Variants in NCAM1 observed in about 807,000 individuals in gnomAD.
NCAM1 encodes neural cell adhesion molecule 1.
In NCAM1, 14 loss-of-function variants were observed where a neutral mutation model predicts 109.8. That is an observed-to-expected ratio of 0.13 (90% CI 0.08 to 0.20). The LOEUF (loss-of-function observed/expected upper bound fraction) is 0.20, where lower values mean the gene tolerates loss of function less well. Among genes scored for constraint, NCAM1 ranks in the 10% least tolerant of loss-of-function variants. The pLI is 1.00. For missense variants in NCAM1, 774 were observed against 1,109.9 expected, an observed-to-expected ratio of 0.70 and a Z score of 4.30; for synonymous variants, 418 against 442.9, an observed-to-expected ratio of 0.94 and a Z score of 0.70.
chr11:113,185,804 C>T (rs1943491386), intron 1 of NCAM1, among the ~76,000 whole-genome samples: 2 of 152,198 alleles, frequency 1.3e-5, no homozygotes, highest in Non-Finnish European at 2.9e-5. Context: ...ACCCCCCTCA[C>T]CTGGCTGTAT....
chr11:113,027,642 A>G (rs1252348463), intron 1 of NCAM1, among the ~76,000 whole-genome samples: 2 of 152,220 alleles, frequency 1.3e-5, no homozygotes, highest in Admixed American at 6.5e-5. Flanking sequence ...TAATTACTGC[A>G]GTGAATTTTC....
intron 16 of NCAM1, among the ~76,000 whole-genome samples, chr11:113,257,847 T>C (rs1000219898): frequency 1.3e-4 from 20 of 152,244 alleles, no homozygotes; most frequent in Non-Finnish European, 2.2e-4. Context: ...TTCTTTTAAA[T>C]GAAAGTGGGG....
intron 1 of NCAM1, among the ~76,000 whole-genome samples, chr11:113,127,648 G>A (rs1156722418): frequency 6.6e-6 from 1 of 152,150 alleles, no homozygotes; most frequent in Non-Finnish European, 1.5e-5. Flanking sequence ...ATTAAGAGTT[G>A]CAAGGCATTG....
intron 17 of NCAM1, chr11:113,265,291 T>G (rs1370720350): frequency 7.6e-6 from 3 of 392,730 alleles, no homozygotes; most frequent in Non-Finnish European, 6.9e-6. Context: ...GATAGACTAT[T>G]ACCTAGAGAA....
chr11:113,212,088 A>G (rs1189753712), intron 7 of NCAM1, among the ~76,000 whole-genome samples: 3 of 152,198 alleles, frequency 2.0e-5, no homozygotes, highest in Non-Finnish European at 4.4e-5. Context: ...GTGACCCAGC[A>G]TCTGTCCCTG....
rs151055007 is a variant in NCAM1, at chr11:113,267,785, G to A, written c.2132-2403G>A. On this transcript the variant is annotated intron_variant, in intron 17 of 19. Coordinates refer to ENST00000316851, the MANE Select transcript of NCAM1 (RefSeq NM_181351.5). ...CCTGGATGTGCGCAGTGCCAGTGCC[G>A]CCCTCCAGCTGGGTCTGATGAGCAC... Among the ~76,000 whole-genome samples, 30 of 152,296 alleles carry A rather than the reference G, an allele frequency of 2.0e-4. No homozygotes were observed. In the East Asian group the frequency reaches 5.2e-3, roughly 26 times the overall value.
At chr11:113,243,303 C>T (rs782665721) in intron 14 of NCAM1, among the ~76,000 whole-genome samples, 4 of 152,032 alleles carry the variant, frequency 2.6e-5, no homozygotes, top group Non-Finnish European at 4.4e-5. Context: ...AGGGTGATGC[C>T]GAGAAGGAAG....
chr11:113,128,874 T>C (rs1941281518), intron 1 of NCAM1, among the ~76,000 whole-genome samples: 1 of 150,878 alleles, frequency 6.6e-6, no homozygotes, highest in Non-Finnish European at 1.5e-5. Context: ...GACCTGCAAT[T>C]GGAGAGTAAC....
chr11:113,214,744 G>A (rs1336253189), intron 8 of NCAM1, among the ~76,000 whole-genome samples: 3 of 152,136 alleles, frequency 2.0e-5, no homozygotes, highest in African/African-American at 7.2e-5. Flanking sequence ...TGATGTATGG[G>A]CATGCTCAAG....
chr11:113,175,389 C>G (rs1267382582), intron 1 of NCAM1, among the ~76,000 whole-genome samples: 3 of 152,168 alleles, frequency 2.0e-5, no homozygotes, highest in Non-Finnish European at 4.4e-5. Context: ...GGTACATCCA[C>G]CCTAGTTGGG....
intron 14 of NCAM1, among the ~76,000 whole-genome samples, chr11:113,239,670 T>A (rs782811545): frequency 1.3e-5 from 2 of 152,056 alleles, no homozygotes; most frequent in African/African-American, 2.4e-5. Flanking sequence ...TCATATGTTG[T>A]CCCCCAGGTG....
chr11:113,126,986 C>G (rs1555097249), intron 1 of NCAM1, among the ~76,000 whole-genome samples: 2 of 152,226 alleles, frequency 1.3e-5, no homozygotes, highest in African/African-American at 4.8e-5. Flanking sequence ...ATCCTCCCTC[C>G]TGTTTGTTTT....
chr11:113,272,988 G>A (rs544396714), intron 19 of NCAM1: 23 of 456,770 alleles, frequency 5.0e-5, no homozygotes, highest in South Asian at 1.2e-4. Context: ...TGTCACCACC[G>A]TCACCACTAA....
In NCAM1 at chr11:113,274,474, T is replaced by C. The variant is rs1946363534; in HGVS notation, c.2457-793T>C. 6.6e-6 allele frequency among the ~76,000 whole-genome samples: 1 copy of C among 152,194 alleles called. No homozygotes were observed. Among genetic ancestry groups the C allele is most frequent in the Non-Finnish European group, 1.5e-5 (1 of 68,034 alleles). On this transcript the variant is annotated intron_variant, in intron 19 of 19. Coordinates refer to ENST00000316851, the MANE Select transcript of NCAM1 (RefSeq NM_181351.5). The surrounding 1 kb of genome is among the most constrained non-coding windows in gnomAD (Gnocchi z 4.1). ...ACCCGACTCCCTTTCCTGGAACTGA[T>C]GGAGGCAGAGTCAGACCTAGATTTT...
chr11:113,099,651 T>C (rs1453663468), intron 1 of NCAM1, among the ~76,000 whole-genome samples: 8 of 152,198 alleles, frequency 5.3e-5, no homozygotes, highest in African/African-American at 1.7e-4. Context: ...AGGCTGCTTT[T>C]GCGAAGCTTG....
chr11:112,995,145 A>C (rs782713535), intron 1 of NCAM1, among the ~76,000 whole-genome samples: 3 of 152,004 alleles, frequency 2.0e-5, no homozygotes, highest in Non-Finnish European at 4.4e-5. Flanking sequence ...TAGTTATGAA[A>C]GTTGAATTGC....
rs533662737 is a variant in NCAM1, at chr11:113,095,384, C to T, written c.53-106995C>T. Among the ~76,000 whole-genome samples, 13 of 152,198 alleles carry T rather than the reference C, an allele frequency of 8.5e-5. 1 individual carries two copies. The South Asian group carries it at 2.5e-3, about 29-fold the overall frequency. On this transcript the variant is annotated intron_variant, in intron 1 of 19. Coordinates refer to ENST00000316851, the MANE Select transcript of NCAM1 (RefSeq NM_181351.5). Reference sequence around the variant, plus strand: ...ACTGAGCATCTAAGATGAGTTTACCCAGCTTTCAGCACAGTGGTCGATAAT... The same window carrying T: ...ACTGAGCATCTAAGATGAGTTTACCTAGCTTTCAGCACAGTGGTCGATAAT...
intron 12 of NCAM1, among the ~76,000 whole-genome samples, 158 bp from the exon 13 acceptor site, chr11:113,232,989 G>C (rs1459850835): frequency 6.6e-6 from 1 of 152,172 alleles, no homozygotes; most frequent in Non-Finnish European, 1.5e-5. Flanking sequence ...GGGCATGTTG[G>C]GGGAGAAGCA....
At chr11:113,001,424 T>A (rs893723779) in intron 1 of NCAM1, among the ~76,000 whole-genome samples, 1 of 152,226 alleles carries the variant, frequency 6.6e-6, no homozygotes, top group South Asian at 2.1e-4. Context: ...CATGGTTTAT[T>A]GGGCATTTAG....
Sources: gnomAD v4.1 joint callset for allele counts (sites outside exome capture counted in the v4.1 genomes callset) on GRCh38, gnomAD v4.1.1 for gene constraint, Gnocchi (gnomAD v3.1) non-coding constraint, MANE v1.5 for transcripts, NCBI Gene and HGNC (gene_info 2026-07-23, HGNC 2026-07-21) for gene names.